Variants in GPC5 observed in about 807,000 individuals in gnomAD.
GPC5 encodes the protein glypican-5.
Under a neutral mutation model 53.9 loss-of-function variants are expected in GPC5, and 47 were observed. That is an observed-to-expected ratio of 0.87 (90% CI 0.69 to 1.11). The LOEUF is 1.11. Ranked by LOEUF, GPC5 falls within the 50% of genes most tolerant of loss-of-function variation. GPC5 has a pLI of 0.00. For missense variants in GPC5, 748 were observed against 713.1 expected, an observed-to-expected ratio of 1.05 and a Z score of -0.56; for synonymous variants, 286 against 263.3, an observed-to-expected ratio of 1.09 and a Z score of -0.84.
At chr13:92,839,471 A>C (rs1312718197) in intron 7 of GPC5, among the ~76,000 whole-genome samples, 1 of 152,076 alleles carries the variant, frequency 6.6e-6, no homozygotes, top group Non-Finnish European at 1.5e-5. Context: ...ACCCTGCAAC[A>C]GGCCCCAATG....
At chr13:92,142,279 T>A (rs185670158) in intron 6 of GPC5, among the ~76,000 whole-genome samples, 34 of 152,324 alleles carry the variant, frequency 2.2e-4, no homozygotes, top group African/African-American at 7.7e-4. Context: ...ATCAACTGAT[T>A]AATGGCATCA....
At chr13:92,246,820 TG>T (rs1260746132) in intron 7 of GPC5, among the ~76,000 whole-genome samples, 3 of 152,194 alleles carry the variant, frequency 2.0e-5, no homozygotes, top group African/African-American at 4.8e-5. Context: ...AACTTTTTAA[TG>T]GTAATTTTCA....
At chr13:92,077,663 A>T (rs1286488526) in intron 6 of GPC5, among the ~76,000 whole-genome samples, 2 of 152,206 alleles carry the variant, frequency 1.3e-5, no homozygotes, top group Admixed American at 6.5e-5. Flanking sequence ...GGCAACTGTG[A>T]GTCAACAGGT....
chr13:91,653,638 C>A (rs149785458), intron 2 of GPC5, among the ~76,000 whole-genome samples: 5 of 152,238 alleles, frequency 3.3e-5, no homozygotes, highest in African/African-American at 9.6e-5. Flanking sequence ...GAATCCTTTT[C>A]CAGAACAATG....
intron 7 of GPC5, among the ~76,000 whole-genome samples, chr13:92,276,987 T>G (rs1013702185): frequency 6.6e-6 from 1 of 150,652 alleles, no homozygotes; most frequent in Non-Finnish European, 1.5e-5. Flanking sequence ...TTACTTTTAG[T>G]CTCTCTCTCT....
At chr13:92,770,414 C>CAAAAAAAAA (rs34087505) in intron 7 of GPC5, among the ~76,000 whole-genome samples, 1 of 76,890 alleles carries the variant, frequency 1.3e-5, no homozygotes, top group Admixed American at 1.4e-4. Flanking sequence ...GACCCTGTCT[C>CAAAAAAAAA]AAAAAAAAAA....
At chr13:92,811,938 C>T (rs1259194134) in intron 7 of GPC5, among the ~76,000 whole-genome samples, 1 of 151,882 alleles carries the variant, frequency 6.6e-6, no homozygotes, top group African/African-American at 2.4e-5. Flanking sequence ...TGTCTGAACT[C>T]AATTGTATTC....
chr13:92,192,833 T>C (rs1393983504), intron 7 of GPC5, among the ~76,000 whole-genome samples: 1 of 152,202 alleles, frequency 6.6e-6, no homozygotes, highest in Non-Finnish European at 1.5e-5. Flanking sequence ...TCATTATTAC[T>C]TTTTTTAAAA....
At chr13:92,365,652 A>T (rs980499715) in intron 7 of GPC5, among the ~76,000 whole-genome samples, 8 of 150,432 alleles carry the variant, frequency 5.3e-5, no homozygotes, top group African/African-American at 2.0e-4. Flanking sequence ...CTATTTTTAA[A>T]TTTTTTCTTT....
At chr13:92,667,160 G>C (rs72641042) in intron 7 of GPC5, among the ~76,000 whole-genome samples, 1 of 152,048 alleles carries the variant, frequency 6.6e-6, no homozygotes, top group Non-Finnish European at 1.5e-5. Flanking sequence ...TCTGGGTTTC[G>C]AGGTCTTAAA....
intron 6 of GPC5, among the ~76,000 whole-genome samples, chr13:92,041,662 A>C (rs2040942845): frequency 6.6e-6 from 1 of 152,162 alleles, no homozygotes; most frequent in Non-Finnish European, 1.5e-5. Context: ...TAATACCATA[A>C]GTCTAAGTAA....
rs567192837 is a variant in GPC5, at chr13:92,654,565, TGTCA to T, written c.1562-211710_1562-211707del. On this transcript the variant is annotated intron_variant, in intron 7 of 7. Coordinates refer to ENST00000377067, the MANE Select transcript of GPC5 (RefSeq NM_004466.6). ...TATTTCTAATTTGAGAGAATAATTC[TGTCA>T]GTCAGTGATTCAGGATCCTGCATTT... Among the ~76,000 whole-genome samples the T allele has an allele frequency of 3.1e-3, 477 of 152,338 alleles. 2 individuals are homozygous for T. The highest frequency in any genetic ancestry group is 6.8e-3 in the Middle Eastern group (2 of 294).
intron 6 of GPC5, among the ~76,000 whole-genome samples, chr13:91,943,104 T>C (rs2039942898): frequency 6.6e-6 from 1 of 152,148 alleles, no homozygotes; most frequent in Non-Finnish European, 1.5e-5. Context: ...TGTACCATAA[T>C]TACACATGTT....
intron 7 of GPC5, among the ~76,000 whole-genome samples, chr13:92,385,766 C>CGTATATATACATATATGT (rs1874672500): frequency 1.2e-5 from 1 of 83,130 alleles, no homozygotes; most frequent in Admixed American, 1.2e-4. Context: ...TATATATATA[C>CGTATATATACATATATGT]GTATATATAC....
intron 2 of GPC5, among the ~76,000 whole-genome samples, chr13:91,529,624 A>C (rs1454389009): frequency 6.6e-6 from 1 of 152,260 alleles, no homozygotes; most frequent in African/African-American, 2.4e-5. Flanking sequence ...TAAAACAATA[A>C]TAGCAGCATT....
At chr13:91,678,841 T>G (rs947009020) in intron 2 of GPC5, among the ~76,000 whole-genome samples, 7 of 152,092 alleles carry the variant, frequency 4.6e-5, no homozygotes, top group African/African-American at 1.7e-4. Context: ...TTCAGTTAAT[T>G]CATTTTGGTT....
intron 7 of GPC5, among the ~76,000 whole-genome samples, chr13:92,530,176 A>G (rs1293022904): frequency 6.6e-6 from 1 of 151,892 alleles, no homozygotes; most frequent in Admixed American, 6.6e-5. Context: ...GAATTTATAG[A>G]ACACTTACAG....
At chr13:91,722,376 T>C (rs909744418) in intron 3 of GPC5, among the ~76,000 whole-genome samples, 1 of 152,206 alleles carries the variant, frequency 6.6e-6, no homozygotes, top group Admixed American at 6.5e-5. Flanking sequence ...TAAGCACTTG[T>C]CACTTGGGCT....
intron 3 of GPC5, among the ~76,000 whole-genome samples, chr13:91,705,222 G>A (rs2036073676): frequency 6.6e-6 from 1 of 152,162 alleles, no homozygotes; most frequent in Admixed American, 6.5e-5. Flanking sequence ...CCTTCTGACT[G>A]TTCACATTTA....
Sources: allele counts gnomAD v4.1 joint callset (sites outside exome capture counted in the v4.1 genomes callset), GRCh38; gene constraint gnomAD v4.1.1; transcripts MANE v1.5; gene names NCBI Gene and HGNC (gene_info 2026-07-23, HGNC 2026-07-21).